The following FGF12 variants were observed in gnomAD, a reference collection of about 807,000 sequenced individuals.
FGF12 encodes the protein fibroblast growth factor 12B.
Under a neutral mutation model 23.6 loss-of-function variants are expected in FGF12, and 14 were observed. The observed-to-expected ratio is 0.59, with a 90% CI of 0.39 to 0.93. The LOEUF (loss-of-function observed/expected upper bound fraction) is 0.93. Among genes scored for constraint, FGF12 ranks in the 40% least tolerant of loss-of-function variants. FGF12 has a pLI of 0.00. For synonymous variants in FGF12, 62 were observed against 77.3 expected (o/e 0.80, Z 1.04); for missense variants, 175 against 217.8 (o/e 0.80, Z 1.24).
intron 2 of FGF12, among the ~76,000 whole-genome samples, chr3:192,461,768 C>A (rs952181008): frequency 2.0e-5 from 3 of 152,058 alleles, no homozygotes; most frequent in Non-Finnish European, 4.4e-5. Context: ...GCAGGGGGAT[C>A]ATCTGAGGTC....
intron 4 of FGF12, among the ~76,000 whole-genome samples, chr3:192,185,621 G>C (rs1716416850): frequency 1.3e-5 from 2 of 151,952 alleles, no homozygotes; most frequent in African/African-American, 4.8e-5. Context: ...CAGTACTGTG[G>C]GAGGCCTAGG....
rs1713424626 is a variant in FGF12, at chr3:192,142,071, TA to T, written c.*1937del. On this transcript the variant is annotated 3_prime_UTR_variant, in exon 6 of 6. Transcript: ENST00000445105. ...AGAGCAAGTCCATTTTTAGAAAATT[TA>T]AATGTCTTTATTTGTTACTTTCCAA... The T allele has an allele frequency of 6.6e-6, 1 of 152,528 alleles. No homozygotes were observed. The highest frequency in any genetic ancestry group is 1.5e-5 in the Non-Finnish European group (1 of 67,936). 9.4% of individuals were successfully genotyped at this position (152,528 alleles called of 1,614,324 possible). A position where few individuals can be genotyped will look rare whatever the true frequency, so the allele number is the denominator to read the frequency against.
At chr3:192,633,806 C>T (rs1009729173) in intron 2 of FGF12, among the ~76,000 whole-genome samples, 1 of 152,164 alleles carries the variant, frequency 6.6e-6, no homozygotes, top group Non-Finnish European at 1.5e-5. Flanking sequence ...TCATGATACC[C>T]GAACTGGACA....
chr3:192,483,088 C>A (rs2108820404), intron 2 of FGF12, among the ~76,000 whole-genome samples: 1 of 152,278 alleles, frequency 6.6e-6, no homozygotes, highest in East Asian at 1.9e-4. Context: ...TGCCAGTAAC[C>A]CTGCCGTCCA....
At chr3:192,206,754 G>T (rs1577235215) in intron 4 of FGF12, among the ~76,000 whole-genome samples, 1 of 152,290 alleles carries the variant, frequency 6.6e-6, no homozygotes, top group African/African-American at 2.4e-5. Flanking sequence ...TTGCCTTGCT[G>T]TCATTGAAAC....
chr3:192,665,483 C>A (rs1377316397), intron 2 of FGF12, among the ~76,000 whole-genome samples: 1 of 151,610 alleles, frequency 6.6e-6, no homozygotes, highest in Non-Finnish European at 1.5e-5. Context: ...AGTTGAAAAC[C>A]TTCATTCTCA....
At chr3:192,676,281 A>G (rs1204319392) in intron 2 of FGF12, among the ~76,000 whole-genome samples, 1 of 152,248 alleles carries the variant, frequency 6.6e-6, no homozygotes, top group Non-Finnish European at 1.5e-5. Flanking sequence ...CTTCCTAGAC[A>G]GAACAGGAGA....
chr3:192,363,224 A>C (rs879788992), intron 2 of FGF12, among the ~76,000 whole-genome samples: 3 of 146,990 alleles, frequency 2.0e-5, no homozygotes, highest in Admixed American at 6.8e-5. Flanking sequence ...TGTACCCTAA[A>C]ACTTAAAGTA....
Position 192,259,637 on chromosome 3 carries a change from T to C in FGF12, c.228+75724A>G, listed in dbSNP as rs142991723. 2.6e-5 allele frequency among the ~76,000 whole-genome samples: 4 copies of C among 152,260 alleles called. No individual in the cohort carries two copies. In the East Asian group the frequency reaches 5.8e-4, roughly 22 times the overall value. On this transcript the variant is annotated intron_variant, in intron 4 of 5. Coordinates refer to ENST00000445105, the MANE Select transcript of FGF12 (RefSeq NM_004113.6). ...GTAGAAATAGGGTGGTTTTATACTT[T>C]CTTCACTAAAGAAATCTGTAGATTG...
intron 3 of FGF12, 112 bp from the exon 4 acceptor site, chr3:192,335,576 A>G: frequency 1.4e-6 from 1 of 696,674 alleles, no homozygotes; most frequent in Non-Finnish European, 2.5e-6. Flanking sequence ...TGGTAGAAAA[A>G]TGGAGAGAGA....
intron 4 of FGF12, among the ~76,000 whole-genome samples, chr3:192,226,952 A>G (rs906905811): frequency 2.6e-5 from 4 of 152,006 alleles, no homozygotes; most frequent in African/African-American, 9.7e-5. Flanking sequence ...TGATAAAAAG[A>G]GGTTTCTCAA....
chr3:192,542,813 G>T (rs573762268), intron 2 of FGF12, among the ~76,000 whole-genome samples: 2 of 152,086 alleles, frequency 1.3e-5, no homozygotes, highest in African/African-American at 4.8e-5. Flanking sequence ...GAATTGTCTG[G>T]ATTACCAGGA....
chr3:192,432,007 T>C (rs1037770381), intron 2 of FGF12, among the ~76,000 whole-genome samples: 1 of 152,172 alleles, frequency 6.6e-6, no homozygotes, highest in Non-Finnish European at 1.5e-5. Flanking sequence ...CAGCCCTTTA[T>C]CCAGGCATTC....
chr3:192,495,731 A>G (rs1316717111), intron 2 of FGF12, among the ~76,000 whole-genome samples: 1 of 152,138 alleles, frequency 6.6e-6, no homozygotes, highest in Non-Finnish European at 1.5e-5. Context: ...CAGTGGCGTA[A>G]TTATGGCTCA....
At chr3:192,210,347 A>T in intron 4 of FGF12, among the ~76,000 whole-genome samples, 1 of 152,174 alleles carries the variant, frequency 6.6e-6, no homozygotes, top group Admixed American at 6.5e-5. Flanking sequence ...TATGTGTGAG[A>T]GGAAACTACC....
At chr3:192,626,329 C>CT (rs549465272) in intron 2 of FGF12, among the ~76,000 whole-genome samples, 280 of 152,018 alleles carry the variant, frequency 1.8e-3, no homozygotes, top group African/African-American at 6.4e-3. Context: ...TTTTTCAACG[C>CT]TTTTTTTTCT....
Position 192,140,622 on chromosome 3 carries a change from A to G in FGF12, c.*3387T>C, listed in dbSNP as rs563804413. The stretch of plus-strand genomic sequence containing the variant: ...CTCCCACTAGTGGCACCGCAGGACT[A>G]CCAATCTAGATATTAGATTGTTGCT... On this transcript the variant is annotated 3_prime_UTR_variant, in exon 6 of 6. Coordinates refer to ENST00000445105, the MANE Select transcript of FGF12 (RefSeq NM_004113.6). The G allele has an allele frequency of 1.3e-5, 2 of 152,140 alleles. No individual in the cohort carries two copies. The highest frequency in any genetic ancestry group is 4.1e-4 in the South Asian group (2 of 4,830). The allele number at this position is 152,140 out of a possible 1,614,324, so 9.4% of individuals were successfully genotyped here.
At chr3:192,496,652 G>C (rs1723966529) in intron 2 of FGF12, among the ~76,000 whole-genome samples, 1 of 152,044 alleles carries the variant, frequency 6.6e-6, no homozygotes, top group Admixed American at 6.6e-5. Context: ...AGTTTCCTGA[G>C]CCCTTTCAAA....
Position 192,470,467 on chromosome 3 carries a change from CA to C in FGF12, c.14-109930del, listed in dbSNP as rs563248929. Among the ~76,000 whole-genome samples, 207 of 152,330 alleles carry C rather than the reference CA, an allele frequency of 1.4e-3. 1 individual carries two copies. The highest frequency in any genetic ancestry group is 4.7e-3 in the African/African-American group (195 of 41,578). On this transcript the variant is annotated intron_variant, in intron 2 of 5. Transcript: ENST00000445105. ...GCAATGGCACAATCTTGGCTCACCGCAACCTCTGCCTCCCAGGTTCAAGTGA... is the reference window on the plus strand; with the variant it reads ...GCAATGGCACAATCTTGGCTCACCGCACCTCTGCCTCCCAGGTTCAAGTGA...
Sources: gnomAD v4.1 joint callset for allele counts (sites outside exome capture counted in the v4.1 genomes callset) on GRCh38, gnomAD v4.1.1 for gene constraint, MANE v1.5 for transcripts, NCBI Gene and HGNC (gene_info 2026-07-23, HGNC 2026-07-21) for gene names.